The following GALNTL6 variants were observed in gnomAD, a reference collection of about 807,000 sequenced individuals.
The protein encoded by GALNTL6 is polypeptide N-acetylgalactosaminyltransferase-like 6.
GALNTL6 carries 46 observed loss-of-function variants against 73.7 expected under a neutral mutation model. The ratio of observed to expected loss-of-function variants is 0.62; its 90% CI spans 0.49 to 0.80. The LOEUF is 0.80. GALNTL6 is among the 30% of genes least tolerant of loss of function. GALNTL6 has a pLI of 0.00. For missense variants in GALNTL6, 604 were observed against 755.0 expected, an observed-to-expected ratio of 0.80 and a Z score of 2.34; for synonymous variants, 259 against 263.7, an observed-to-expected ratio of 0.98 and a Z score of 0.17.
At chr4:172,767,352 G>A (rs1220349587) in intron 5 of GALNTL6, among the ~76,000 whole-genome samples, 1 of 152,162 alleles carries the variant, frequency 6.6e-6, no homozygotes, top group Admixed American at 6.5e-5. Flanking sequence ...ATACAATGAA[G>A]AAGTGTAAAA....
intron 4 of GALNTL6, among the ~76,000 whole-genome samples, chr4:172,332,227 A>C (rs972304724): frequency 1.8e-4 from 27 of 151,850 alleles, no homozygotes; most frequent in Admixed American, 1.8e-3. Flanking sequence ...TATTTTTTTA[A>C]TATTTACTAT....
intron 2 of GALNTL6, among the ~76,000 whole-genome samples, chr4:172,010,054 A>G (rs1047526366): frequency 3.3e-5 from 5 of 152,118 alleles, no homozygotes; most frequent in Non-Finnish European, 7.4e-5. Context: ...GACCAAATCA[A>G]TTCTGATTCT....
intron 3 of GALNTL6, among the ~76,000 whole-genome samples, chr4:172,235,143 T>C (rs1253463310): frequency 8.6e-6 from 1 of 116,870 alleles, no homozygotes; most frequent in Non-Finnish European, 1.7e-5. Flanking sequence ...TATTACTTTT[T>C]TCAGATATTG....
chr4:172,252,820 T>TGA (rs1385835004), intron 3 of GALNTL6, among the ~76,000 whole-genome samples: 2 of 151,832 alleles, frequency 1.3e-5, no homozygotes, highest in Non-Finnish European at 2.9e-5. Context: ...TACCTTACGT[T>TGA]CATGTAAAAG....
intron 5 of GALNTL6, among the ~76,000 whole-genome samples, chr4:172,672,151 A>T (rs1732023019): frequency 1.3e-5 from 2 of 152,208 alleles, no homozygotes. Context: ...TTAGCCTCCC[A>T]AAGTGCTGGG....
At chr4:172,468,520 A>T (rs761116106) in intron 5 of GALNTL6, among the ~76,000 whole-genome samples, 2 of 152,206 alleles carry the variant, frequency 1.3e-5, no homozygotes, top group Admixed American at 6.6e-5. Context: ...GATTATATTC[A>T]TTTTGAAGAT....
chr4:171,823,318 G>T (rs556960492), intron 2 of GALNTL6, among the ~76,000 whole-genome samples: 4 of 152,224 alleles, frequency 2.6e-5, no homozygotes, highest in African/African-American at 9.6e-5. Flanking sequence ...CAAGTCAGGA[G>T]AAGGCTGATG....
At chr4:173,003,017 G>A (rs1412406973) in intron 10 of GALNTL6, among the ~76,000 whole-genome samples, 3 of 152,148 alleles carry the variant, frequency 2.0e-5, no homozygotes, top group East Asian at 1.9e-4. Flanking sequence ...AATAGTTGCT[G>A]TTTCGAATTA....
At position 172,044,248 on chromosome 4, in the gene GALNTL6, G is replaced by A. The variant is rs373963856; in HGVS notation, c.139-185408G>A. ...AATACAAAGTCACTATTGATAAAATGGTCATATATTGACTATTGTTATCCA... is the reference window on the plus strand; with the variant it reads ...AATACAAAGTCACTATTGATAAAATAGTCATATATTGACTATTGTTATCCA... On this transcript the variant is annotated intron_variant, in intron 2 of 12. Coordinates refer to ENST00000506823, the MANE Select transcript of GALNTL6 (RefSeq NM_001034845.3). Among the ~76,000 whole-genome samples the A allele has an allele frequency of 2.6e-5, 4 of 151,754 alleles. No individual in the cohort carries two copies. In the East Asian group the frequency reaches 5.8e-4, roughly 22 times the overall value.
intron 8 of GALNTL6, among the ~76,000 whole-genome samples, chr4:172,930,949 A>G (rs1462040904): frequency 2.0e-5 from 3 of 152,124 alleles, no homozygotes; most frequent in Non-Finnish European, 4.4e-5. Flanking sequence ...ATAAGCATGA[A>G]CCACTGCACT....
intron 2 of GALNTL6, among the ~76,000 whole-genome samples, chr4:171,946,428 G>T (rs1738703906): frequency 6.6e-6 from 1 of 152,116 alleles, no homozygotes; most frequent in Admixed American, 6.6e-5. Flanking sequence ...CAATTCCTGG[G>T]TAGAGTTTTC....
chr4:172,273,475 T>G (rs372395386), intron 3 of GALNTL6, among the ~76,000 whole-genome samples: 10 of 152,144 alleles, frequency 6.6e-5, no homozygotes, highest in East Asian at 5.8e-4. Context: ...AAAGAAAATT[T>G]TAAAGTCTCT....
At chr4:171,865,232 TG>T in intron 2 of GALNTL6, among the ~76,000 whole-genome samples, 1 of 152,148 alleles carries the variant, frequency 6.6e-6, no homozygotes, top group East Asian at 1.9e-4. Context: ...TCAAGAAACC[TG>T]GTTTCTATGA....
At chr4:172,867,302 T>C (rs1744709757) in intron 7 of GALNTL6, among the ~76,000 whole-genome samples, 1 of 152,164 alleles carries the variant, frequency 6.6e-6, no homozygotes, top group Admixed American at 6.5e-5. Context: ...AAGTGACAAG[T>C]CTACTATGGA....
Position 172,506,672 on chromosome 4 carries a change from G to T in GALNTL6, c.553+157983G>T, listed in dbSNP as rs1480243907. On this transcript the variant is annotated intron_variant, in intron 5 of 12. Transcript: ENST00000506823. ...ATTCTGAATGACTCAGCAGATTTCTGGTCAATCTCTGCTTCCCCTTGCCTT... is the reference window on the plus strand; with the variant it reads ...ATTCTGAATGACTCAGCAGATTTCTTGTCAATCTCTGCTTCCCCTTGCCTT... Among the ~76,000 whole-genome samples the T allele has an allele frequency of 3.7e-5, 2 of 54,504 alleles. 1 individual carries two copies. The highest frequency in any genetic ancestry group is 8.5e-5 in the Non-Finnish European group (2 of 23,654). 35.8% of individuals were successfully genotyped at this position (54,504 alleles called of 152,430 possible).
chr4:171,924,312 G>A (rs1189189973), intron 2 of GALNTL6, among the ~76,000 whole-genome samples: 2 of 151,990 alleles, frequency 1.3e-5, no homozygotes, highest in African/African-American at 2.4e-5. Context: ...CCAGAGAGGA[G>A]TAAGTGCAGT....
intron 2 of GALNTL6, among the ~76,000 whole-genome samples, chr4:172,040,473 AAC>A (rs1742053061): frequency 6.6e-6 from 1 of 152,040 alleles, no homozygotes. Flanking sequence ...AACATCATGT[AAC>A]AGAGTTACCC....
chr4:172,404,353 G>A (rs1744139088), intron 5 of GALNTL6, among the ~76,000 whole-genome samples: 2 of 152,080 alleles, frequency 1.3e-5, no homozygotes, highest in Non-Finnish European at 1.5e-5. Flanking sequence ...TATAATAGCT[G>A]ACAAATACTA....
chr4:172,937,325 T>C (rs1748673053), intron 9 of GALNTL6, among the ~76,000 whole-genome samples: 1 of 152,214 alleles, frequency 6.6e-6, no homozygotes, highest in Non-Finnish European at 1.5e-5. Flanking sequence ...ATTGATTTGC[T>C]ACACTGTGCA....
Sources: gnomAD v4.1 joint callset for allele counts (sites outside exome capture counted in the v4.1 genomes callset) on GRCh38, gnomAD v4.1.1 for gene constraint, MANE v1.5 for transcripts, NCBI Gene and HGNC (gene_info 2026-07-23, HGNC 2026-07-21) for gene names.